RNF169: variants seen among roughly 807,000 people sequenced by gnomAD.
RNF169 encodes the protein E3 ubiquitin-protein ligase RNF169.
In RNF169, 24 loss-of-function variants were observed where a neutral mutation model predicts 53.9. That is an observed-to-expected ratio of 0.45 (90% CI 0.32 to 0.63). The LOEUF (loss-of-function observed/expected upper bound fraction) is 0.63, where lower values mean the gene tolerates loss of function less well. Among genes scored for constraint, RNF169 ranks in the 20% least tolerant of loss-of-function variants. RNF169 has a pLI of 0.04. For missense variants in RNF169, 883 were observed against 906.2 expected, an observed-to-expected ratio of 0.97 and a Z score of 0.33; for synonymous variants, 396 against 363.5, an observed-to-expected ratio of 1.09 and a Z score of -1.02.
rs577729141 is a variant in RNF169 at position 74,837,666 on chromosome 11, A to G, written c.*936A>G. On this transcript the variant is annotated 3_prime_UTR_variant, in exon 6 of 6. Transcript: ENST00000299563. ...ATGAGACAAACTATAATCAGGCTTC[A>G]TTATTACTTTTCAAATGGCCAAGGG... 1 of 152,374 alleles carries G rather than the reference A, an allele frequency of 6.6e-6. No homozygotes were observed. Among genetic ancestry groups the G allele is most frequent in the African/African-American group, 2.4e-5 (1 of 41,586 alleles). The allele number at this position is 152,374 out of a possible 1,614,324, so 9.4% of individuals were successfully genotyped here. A position where few individuals can be genotyped will look rare whatever the true frequency, so the allele number is the denominator to read the frequency against.
chr11:74,767,364 TA>T (rs897682159), intron 1 of RNF169, among the ~76,000 whole-genome samples: 3 of 151,858 alleles, frequency 2.0e-5, no homozygotes, highest in Non-Finnish European at 2.9e-5. Flanking sequence ...ATTTATTATT[TA>T]AAAAAAACTA....
intron 1 of RNF169, among the ~76,000 whole-genome samples, chr11:74,771,046 A>T (rs2035252583): frequency 6.6e-6 from 1 of 151,910 alleles, no homozygotes; most frequent in Admixed American, 6.6e-5. Flanking sequence ...ACCTCAGGTG[A>T]TCCCCCCCGC....
chr11:74,776,237 A>C, intron 1 of RNF169, among the ~76,000 whole-genome samples: 1 of 152,114 alleles, frequency 6.6e-6, no homozygotes, highest in East Asian at 1.9e-4. Context: ...CTGATGTTCA[A>C]TTTTGGTGTT....
intron 4 of RNF169, among the ~76,000 whole-genome samples, chr11:74,819,106 A>G (rs1183785025): frequency 2.4e-4 from 36 of 151,866 alleles, no homozygotes; most frequent in Admixed American, 2.3e-3. Context: ...AATGCCGGTA[A>G]TGCCATTTCA....
intron 1 of RNF169, among the ~76,000 whole-genome samples, chr11:74,771,261 G>T (rs976606255): frequency 2.6e-5 from 4 of 152,110 alleles, no homozygotes; most frequent in African/African-American, 9.7e-5. Context: ...CTTTGGCTCT[G>T]TCTACTACCG....
chr11:74,811,894 T>A (rs2035880988), intron 3 of RNF169, among the ~76,000 whole-genome samples: 1 of 152,230 alleles, frequency 6.6e-6, no homozygotes. Flanking sequence ...AGCTGTGGTC[T>A]GTAGTCTCTG....
intron 1 of RNF169, among the ~76,000 whole-genome samples, chr11:74,787,085 G>A (rs1396361750): frequency 6.6e-6 from 1 of 152,118 alleles, no homozygotes; most frequent in Non-Finnish European, 1.5e-5. Context: ...AAGCAGATCT[G>A]AGAAGAATCT....
intron 2 of RNF169, among the ~76,000 whole-genome samples, chr11:74,796,456 A>G (rs1027044107): frequency 3.3e-5 from 5 of 152,344 alleles, no homozygotes; most frequent in African/African-American, 1.2e-4. Flanking sequence ...AGACTTAGCC[A>G]TCTTTGTCTT....
In RNF169 at chr11:74,749,049, C is replaced by G. The variant is rs2034840094; in HGVS notation, c.169C>G (p.Pro57Ala). 6.8e-7 allele frequency: 1 copy of G among 1,468,374 alleles called. No homozygotes were observed. Among genetic ancestry groups the G allele is most frequent in the East Asian group, 3.0e-5 (1 of 33,650 alleles). 91.0% of individuals were successfully genotyped at this position (1,468,374 alleles called of 1,614,324 possible). Residue 57 changes from proline to alanine, a missense_variant, in exon 1 of 6, where the codon CCG (proline) becomes GCG (alanine). Transcript: ENST00000299563. The stretch of plus-strand genomic sequence containing the variant: ...GGTGTTGTCGCCGCCGTTGCTGCAG[C>G]CGCCGCTGCCGCCGCGGCCGGAGGA... ...LLVLSPPLLQPPLPPRPEESG... is the reference protein window; with the variant it reads ...LLVLSPPLLQAPLPPRPEESG...
chr11:74,831,024 T>TA (rs1350692884), intron 4 of RNF169: 2 of 152,018 alleles, frequency 1.3e-5, no homozygotes, highest in Non-Finnish European at 2.9e-5. Flanking sequence ...AAGGAATCTA[T>TA]AAAAAACCCA....
At chr11:74,763,722 C>G (rs2035127019) in intron 1 of RNF169, among the ~76,000 whole-genome samples, 2 of 151,992 alleles carry the variant, frequency 1.3e-5, no homozygotes, top group Non-Finnish European at 2.9e-5. Context: ...TGTAATGGTA[C>G]TTCCAGGAGA....
At chr11:74,772,277 C>CT (rs2035270789) in intron 1 of RNF169, among the ~76,000 whole-genome samples, 1 of 152,142 alleles carries the variant, frequency 6.6e-6, no homozygotes, top group African/African-American at 2.4e-5. Context: ...GTTCTGCCAC[C>CT]TTTGTCTCAT....
At chr11:74,775,602 C>G (rs1386590245) in intron 1 of RNF169, among the ~76,000 whole-genome samples, 1 of 151,960 alleles carries the variant, frequency 6.6e-6, no homozygotes, top group Non-Finnish European at 1.5e-5. Flanking sequence ...CTTTTTGAAG[C>G]CTTTCTGATA....
At chr11:74,752,107 C>A (rs917604909) in intron 1 of RNF169, among the ~76,000 whole-genome samples, 1 of 151,506 alleles carries the variant, frequency 6.6e-6, no homozygotes, top group Non-Finnish European at 1.5e-5. Flanking sequence ...TGGTGTGTGC[C>A]TGTAGTCCCA....
chr11:74,804,462 A>C (rs1277454096), intron 2 of RNF169, among the ~76,000 whole-genome samples: 1 of 152,208 alleles, frequency 6.6e-6, no homozygotes, highest in Non-Finnish European at 1.5e-5. Flanking sequence ...TTTGCACTGC[A>C]TGGTGGTAGG....
At chr11:74,782,232 A>G (rs1424861339) in intron 1 of RNF169, among the ~76,000 whole-genome samples, 1 of 152,178 alleles carries the variant, frequency 6.6e-6, no homozygotes, top group Non-Finnish European at 1.5e-5. Flanking sequence ...GGCAAGAATC[A>G]TAGTTGTTGA....
intron 4 of RNF169, among the ~76,000 whole-genome samples, chr11:74,819,878 G>A (rs1421947009): frequency 6.6e-6 from 1 of 152,134 alleles, no homozygotes. Context: ...ATTAACCGTA[G>A]CTACATTGTT....
At chr11:74,812,440 G>A (rs781046232) in intron 3 of RNF169, among the ~76,000 whole-genome samples, 4 of 152,072 alleles carry the variant, frequency 2.6e-5, no homozygotes, top group African/African-American at 7.2e-5. Context: ...GACCACAGCT[G>A]TGTACCACCA....
intron 3 of RNF169, among the ~76,000 whole-genome samples, chr11:74,810,711 T>A (rs906698428): frequency 2.0e-5 from 3 of 152,230 alleles, no homozygotes; most frequent in Non-Finnish European, 4.4e-5. Context: ...TTTACTTTCC[T>A]TTATTTGTTG....
Sources: allele counts gnomAD v4.1 joint callset (sites outside exome capture counted in the v4.1 genomes callset), GRCh38; gene constraint gnomAD v4.1.1; transcripts MANE v1.5; gene names NCBI Gene and HGNC (gene_info 2026-07-23, HGNC 2026-07-21).